HECTD2: variants seen among roughly 807,000 people sequenced by gnomAD.
HECTD2 encodes the protein HECT domain E3 ubiquitin protein ligase 2, also known as probable E3 ubiquitin-protein ligase HECTD2.
A neutral mutation model predicts 103.2 loss-of-function variants in HECTD2; 35 were observed. That is an observed-to-expected ratio of 0.34 (90% CI 0.26 to 0.45). HECTD2 has a LOEUF of 0.45. HECTD2 is among the 20% of genes least tolerant of loss of function. The pLI, the probability that HECTD2 is intolerant of heterozygous loss-of-function variation, is 1.00. For missense variants in HECTD2, 596 were observed against 937.4 expected (o/e 0.64, Z 4.76); for synonymous variants, 281 against 329.9 (o/e 0.85, Z 1.61).
chr10:91,493,816 C>G (rs1239109276), intron 14 of HECTD2, among the ~76,000 whole-genome samples: 1 of 151,672 alleles, frequency 6.6e-6, no homozygotes, highest in Non-Finnish European at 1.5e-5. Flanking sequence ...AAAGTATTTC[C>G]CATTTATAAT....
rs375287809 is a variant in HECTD2 at position 91,462,077 on chromosome 10, C to T, written c.511-18C>T. 5.2e-6 allele frequency: 8 copies of T among 1,539,308 alleles called. No individual in the cohort carries two copies. Among genetic ancestry groups the T allele is most frequent in the South Asian group, 3.4e-5 (3 of 87,614 alleles). ...TTTAAAATGTTGAATATACTTAATT[C>T]TTAAATTGAATTTGCAGAAAGATGC... On this transcript the variant is annotated intron_variant, in intron 4 of 20. Coordinates refer to ENST00000298068, the MANE Select transcript of HECTD2 (RefSeq NM_182765.6).
At chr10:91,478,176 C>T (rs775591511) in intron 5 of HECTD2, 25 bp from the exon 6 acceptor site, 9 of 1,525,436 alleles carry the variant, frequency 5.9e-6, no homozygotes, top group Non-Finnish European at 8.2e-6. Context: ...ATCCTAATTA[C>T]CTTACTGTTT....
At chr10:91,506,783 C>T (rs1847199800) in intron 20 of HECTD2, among the ~76,000 whole-genome samples, 1 of 151,996 alleles carries the variant, frequency 6.6e-6, no homozygotes, top group Non-Finnish European at 1.5e-5. Flanking sequence ...ATGAGGCCAA[C>T]ATCATTCTGA....
At chr10:91,436,023 T>C (rs1844101195) in intron 2 of HECTD2, among the ~76,000 whole-genome samples, 2 of 151,914 alleles carry the variant, frequency 1.3e-5, no homozygotes, top group Non-Finnish European at 2.9e-5. Context: ...TGAATCTTTC[T>C]TTTTTATAGT....
intron 19 of HECTD2, among the ~76,000 whole-genome samples, chr10:91,500,881 A>T (rs932661731): frequency 6.6e-6 from 1 of 152,186 alleles, no homozygotes; most frequent in African/African-American, 2.4e-5. Context: ...CTAGAATTTC[A>T]TGGATGCTAT....
Position 91,419,408 on chromosome 10 carries a change from G to A in HECTD2, c.139-5873G>A, listed in dbSNP as rs192418556. On this transcript the variant is annotated intron_variant, in intron 1 of 20. Coordinates refer to ENST00000298068, the MANE Select transcript of HECTD2 (RefSeq NM_182765.6). ...TTAACTATATGTTAATAGCAGAACA[G>A]GTACTCTAAGTGTTTGTCTGTTTAA... Among the ~76,000 whole-genome samples the A allele has an allele frequency of 5.3e-5, 8 of 152,110 alleles. No individual in the cohort carries two copies. In the East Asian group the frequency reaches 1.5e-3, roughly 29 times the overall value.
At chr10:91,505,547 G>C (rs1161429716) in intron 20 of HECTD2, among the ~76,000 whole-genome samples, 2 of 151,780 alleles carry the variant, frequency 1.3e-5, no homozygotes, top group African/African-American at 4.8e-5. Flanking sequence ...TAGTGGTAAA[G>C]GGATCAATTC....
chr10:91,494,807 T>C (rs371687878), intron 14 of HECTD2, among the ~76,000 whole-genome samples: 2 of 152,228 alleles, frequency 1.3e-5, no homozygotes, highest in African/African-American at 4.8e-5. Context: ...ATGAGCTATT[T>C]ATATGTTCAT....
chr10:91,411,953 A>C (rs1842929117), intron 1 of HECTD2, among the ~76,000 whole-genome samples: 2 of 152,144 alleles, frequency 1.3e-5, no homozygotes, highest in Admixed American at 6.5e-5. Context: ...GAAACAGTTA[A>C]ATGAGTGGGT....
intron 18 of HECTD2, among the ~76,000 whole-genome samples, chr10:91,499,675 C>A (rs1846816422): frequency 6.6e-6 from 1 of 152,142 alleles, no homozygotes; most frequent in Admixed American, 6.5e-5. Flanking sequence ...ATTTAGAATA[C>A]CATGTCAGAA....
chr10:91,480,880 T>C (rs536589368), intron 6 of HECTD2, among the ~76,000 whole-genome samples: 1 of 152,012 alleles, frequency 6.6e-6, no homozygotes, highest in Non-Finnish European at 1.5e-5. Flanking sequence ...CCTAGTTAGC[T>C]CAGTCTTTAG....
At chr10:91,471,197 C>T (rs117144859) in intron 5 of HECTD2, among the ~76,000 whole-genome samples, 1 of 152,124 alleles carries the variant, frequency 6.6e-6, no homozygotes, top group African/African-American at 2.4e-5. Flanking sequence ...TGATTCATCA[C>T]GTAACAGAAC....
intron 5 of HECTD2, among the ~76,000 whole-genome samples, chr10:91,474,444 A>C (rs969712114): frequency 2.6e-5 from 4 of 152,216 alleles, no homozygotes; most frequent in Non-Finnish European, 5.9e-5. Flanking sequence ...TTCTAAACCA[A>C]AGGAAGTTGA....
chr10:91,444,133 C>T (rs1013043356), intron 2 of HECTD2, among the ~76,000 whole-genome samples: 1 of 152,076 alleles, frequency 6.6e-6, no homozygotes, highest in Non-Finnish European at 1.5e-5. Context: ...GGCTTACTTA[C>T]CCTTTCTTAT....
At chr10:91,483,859 A>G (rs1237790478) in intron 8 of HECTD2, among the ~76,000 whole-genome samples, 2 of 151,870 alleles carry the variant, frequency 1.3e-5, no homozygotes, top group African/African-American at 4.8e-5. Flanking sequence ...CATTGAACTC[A>G]CGGCTAGCAG....
At chr10:91,477,674 T>C (rs567492211) in intron 5 of HECTD2, among the ~76,000 whole-genome samples, 3 of 152,378 alleles carry the variant, frequency 2.0e-5, no homozygotes, top group East Asian at 1.9e-4. Flanking sequence ...GGCATTTGCC[T>C]CTTTCATGTA....
chr10:91,433,716 G>T (rs915631266), intron 2 of HECTD2, among the ~76,000 whole-genome samples: 1 of 151,942 alleles, frequency 6.6e-6, no homozygotes, highest in Non-Finnish European at 1.5e-5. Context: ...ATGTGGGGTT[G>T]TTGGGCCCAG....
At chr10:91,454,303 T>A (rs182284682) in intron 2 of HECTD2, among the ~76,000 whole-genome samples, 1 of 152,216 alleles carries the variant, frequency 6.6e-6, no homozygotes, top group East Asian at 1.9e-4. Context: ...TTTGAAGAAT[T>A]GAGATAATGT....
At chr10:91,449,508 T>C (rs1844699722) in intron 2 of HECTD2, among the ~76,000 whole-genome samples, 1 of 152,158 alleles carries the variant, frequency 6.6e-6, no homozygotes, top group Non-Finnish European at 1.5e-5. Flanking sequence ...CCTCTCTTAC[T>C]ACTCCTATAA....
Sources: allele counts gnomAD v4.1 joint callset (sites outside exome capture counted in the v4.1 genomes callset), GRCh38; gene constraint gnomAD v4.1.1; transcripts MANE v1.5; gene names NCBI Gene and HGNC (gene_info 2026-07-23, HGNC 2026-07-21).